TMEM132B: variants seen among roughly 807,000 people sequenced by gnomAD.
TMEM132B encodes transmembrane protein 132B.
In TMEM132B, 18 loss-of-function variants were observed where a neutral mutation model predicts 90.8. That is an observed-to-expected ratio of 0.20 (90% CI 0.14 to 0.29). The LOEUF is 0.29. Ranked by LOEUF, TMEM132B falls within the 10% of genes least tolerant of loss-of-function variation. The probability of loss-of-function intolerance (pLI) is 1.00; values close to 1 mark genes in which losing one functional copy is unlikely to be tolerated. For missense variants in TMEM132B, 1,096 were observed against 1,326.8 expected (o/e 0.83, Z 2.70); for synonymous variants, 504 against 523.3 (o/e 0.96, Z 0.50).
intron 3 of TMEM132B, among the ~76,000 whole-genome samples, chr12:125,455,316 G>C (rs1881264695): frequency 6.6e-6 from 1 of 152,198 alleles, no homozygotes; most frequent in Non-Finnish European, 1.5e-5. Flanking sequence ...TTAGTTCGAG[G>C]CAAGAACAAA....
At chr12:125,276,961 T>C (rs1349358058) in intron 1 of TMEM132B, among the ~76,000 whole-genome samples, 1 of 152,214 alleles carries the variant, frequency 6.6e-6, no homozygotes, top group Admixed American at 6.5e-5. Flanking sequence ...TCACACTGTC[T>C]TACCACATGC....
chr12:125,497,882 G>A (rs922131511), intron 3 of TMEM132B, among the ~76,000 whole-genome samples: 9 of 152,146 alleles, frequency 5.9e-5, no homozygotes, highest in African/African-American at 1.9e-4. Flanking sequence ...ACATGCCTGA[G>A]GCAGGCATGA....
chr12:125,460,645 G>A lies in TMEM132B; in HGVS notation c.1106+44968G>A, dbSNP rs1341222930. Among the ~76,000 whole-genome samples the A allele has an allele frequency of 6.6e-6, 1 of 152,116 alleles. No individual in the cohort carries two copies. Among genetic ancestry groups the A allele is most frequent in the African/African-American group, 2.4e-5 (1 of 41,406 alleles). ...TTTGAGTATCTGCGGCCTTTTCATT[G>A]TTCTCAGCCCATAGACCAGAGTCAA... On this transcript the variant is annotated intron_variant, in intron 3 of 8. Transcript: ENST00000682704. The surrounding 1 kb of genome is among the most constrained non-coding windows in gnomAD (Gnocchi z 4.4).
chr12:125,372,238 C>T (rs886563016), intron 2 of TMEM132B, among the ~76,000 whole-genome samples: 2 of 152,224 alleles, frequency 1.3e-5, no homozygotes, highest in African/African-American at 2.4e-5. Flanking sequence ...TTCTTGCAGA[C>T]AGGGATTGCT....
chr12:125,430,340 G>A (rs1351581898), intron 3 of TMEM132B, among the ~76,000 whole-genome samples: 2 of 152,202 alleles, frequency 1.3e-5, no homozygotes, highest in Non-Finnish European at 2.9e-5. Flanking sequence ...GGTAGCTCAT[G>A]TAGATAATGA....
chr12:125,575,942 A>C (rs1177473061), intron 4 of TMEM132B, among the ~76,000 whole-genome samples: 1 of 152,074 alleles, frequency 6.6e-6, no homozygotes, highest in Non-Finnish European at 1.5e-5. Flanking sequence ...TTATTTATCC[A>C]GATTGCTATG....
intron 5 of TMEM132B, chr12:125,585,189 C>G (rs935411295): frequency 6.6e-6 from 1 of 152,128 alleles, no homozygotes; most frequent in African/African-American, 2.4e-5. Context: ...CTAGGAAACT[C>G]AAGTTTGGCA....
intron 5 of TMEM132B, among the ~76,000 whole-genome samples, chr12:125,630,611 G>A (rs1220026218): frequency 2.6e-5 from 4 of 151,744 alleles, no homozygotes; most frequent in African/African-American, 9.7e-5. Context: ...TTTATTTTAG[G>A]TTCAGGGGTA....
chr12:125,479,594 G>A (rs942325105), intron 3 of TMEM132B, among the ~76,000 whole-genome samples: 1 of 152,166 alleles, frequency 6.6e-6, no homozygotes, highest in Non-Finnish European at 1.5e-5. Flanking sequence ...CAATACAGGA[G>A]CACCCAGATT....
chr12:125,627,267 A>G (rs542242793), intron 5 of TMEM132B, among the ~76,000 whole-genome samples: 8 of 152,304 alleles, frequency 5.3e-5, no homozygotes, highest in African/African-American at 1.9e-4. Context: ...CTGATAGTCC[A>G]AACAACTGAA....
chr12:125,442,659 C>G (rs948775618), intron 3 of TMEM132B, among the ~76,000 whole-genome samples: 2 of 152,184 alleles, frequency 1.3e-5, no homozygotes, highest in African/African-American at 4.8e-5. Context: ...AGAAGATGCT[C>G]TATTCAGGAC....
chr12:125,279,560 G>A (rs755755971), intron 1 of TMEM132B, among the ~76,000 whole-genome samples: 5 of 152,240 alleles, frequency 3.3e-5, no homozygotes, highest in Non-Finnish European at 5.9e-5. Context: ...ATATGTTGCT[G>A]TGTTTTTCTT....
intron 1 of TMEM132B, among the ~76,000 whole-genome samples, chr12:125,208,087 C>G (rs1873224868): frequency 6.6e-6 from 1 of 152,204 alleles, no homozygotes; most frequent in Admixed American, 6.5e-5. Context: ...AATCCAACTT[C>G]TTCATTGAAC....
intron 3 of TMEM132B, among the ~76,000 whole-genome samples, chr12:125,465,849 G>A (rs768636203): frequency 1.3e-5 from 2 of 151,930 alleles, no homozygotes; most frequent in Non-Finnish European, 2.9e-5. Flanking sequence ...TAAAATTCTG[G>A]GGCCCCCTGC....
intron 4 of TMEM132B, among the ~76,000 whole-genome samples, chr12:125,529,246 T>C (rs1883582509): frequency 6.6e-6 from 1 of 152,008 alleles, no homozygotes; most frequent in African/African-American, 2.4e-5. Flanking sequence ...CCATGCCTGG[T>C]TAAGTTTTTA....
At chr12:125,510,494 AT>A (rs1357231544) in intron 3 of TMEM132B, among the ~76,000 whole-genome samples, 1 of 152,220 alleles carries the variant, frequency 6.6e-6, no homozygotes, top group African/African-American at 2.4e-5. Flanking sequence ...GGAAAAATAT[AT>A]TTGAGATTTA....
At chr12:125,481,505 G>A (rs1882042219) in intron 3 of TMEM132B, among the ~76,000 whole-genome samples, 1 of 152,158 alleles carries the variant, frequency 6.6e-6, no homozygotes, top group African/African-American at 2.4e-5. Flanking sequence ...ATTCACAATT[G>A]CTACAGAGAG....
chr12:125,399,053 A>G (rs996810125), intron 2 of TMEM132B, among the ~76,000 whole-genome samples: 1 of 152,192 alleles, frequency 6.6e-6, no homozygotes, highest in Admixed American at 6.5e-5. Context: ...CCCCCAGGTT[A>G]TTGTCACATA....
At position 125,415,001 on chromosome 12, in the gene TMEM132B, G is replaced by A. The variant is rs530704147; in HGVS notation, c.960-530G>A. On this transcript the variant is annotated intron_variant, in intron 2 of 8. Transcript: ENST00000682704. This position sits in a 1 kb window ranked among gnomAD's most constrained non-coding sequence, Gnocchi z 5.3. ...ATTGTACCAGGCAGCATCTGGCCCC[G>A]TTATCCTGCCTGAATGCCACATTTG... Among the ~76,000 whole-genome samples, 4 of 152,266 alleles carry A rather than the reference G, an allele frequency of 2.6e-5. No homozygotes were observed. Among genetic ancestry groups the A allele is most frequent in the South Asian group, 2.1e-4 (1 of 4,828 alleles).
Sources: allele counts gnomAD v4.1 joint callset (sites outside exome capture counted in the v4.1 genomes callset), GRCh38; gene constraint gnomAD v4.1.1; non-coding constraint Gnocchi (gnomAD v3.1); transcripts MANE v1.5; gene names NCBI Gene and HGNC (gene_info 2026-07-23, HGNC 2026-07-21).